Variants in LRRN2 observed in about 807,000 individuals in gnomAD.
LRRN2 encodes the protein leucine-rich repeat neuronal protein 2.
Under a neutral mutation model 35.7 loss-of-function variants are expected in LRRN2, and 10 were observed. That is an observed-to-expected ratio of 0.28 (90% CI 0.17 to 0.47). LRRN2 has a LOEUF of 0.47. LRRN2 is among the 20% of genes least tolerant of loss of function. The pLI, the probability that LRRN2 is intolerant of heterozygous loss-of-function variation, is 0.99. For missense variants in LRRN2, 731 were observed against 940.3 expected, an observed-to-expected ratio of 0.78 and a Z score of 2.91; for synonymous variants, 391 against 409.6, an observed-to-expected ratio of 0.95 and a Z score of 0.55.
Position 204,619,588 on chromosome 1 carries a change from G to A in LRRN2, c.405C>T (p.His135=), listed in dbSNP as rs1666692727. 1.2e-6 allele frequency: 2 copies of A among 1,614,096 alleles called. No individual in the cohort carries two copies. Among genetic ancestry groups the A allele is most frequent in the African/African-American group, 1.3e-5 (1 of 74,958 alleles). Residue 135 remains histidine, a synonymous_variant, in exon 2 of 2, where the codon CAC becomes CAT. Coordinates refer to ENST00000367177, the MANE Select transcript of LRRN2 (RefSeq NM_201630.2). ...EENQLTRLED[H]SFAGLASLQE... ...GTAGGCTGGCCAGCCCTGCAAAGCT[G>A]TGGTCCTCCAGCCGGGTCAGCTGGT...
intron 1 of LRRN2, among the ~76,000 whole-genome samples, chr1:204,668,451 C>T (rs1488744483): frequency 3.3e-5 from 5 of 152,142 alleles, no homozygotes; most frequent in African/African-American, 4.8e-5. Context: ...AAAGATTAGC[C>T]GGGTGTGGTG....
chr1:204,622,024 A>G (rs1018124618), intron 1 of LRRN2: 12 of 167,294 alleles, frequency 7.2e-5, no homozygotes, highest in African/African-American at 2.9e-4. Flanking sequence ...AGGTTAAAGA[A>G]CTTGGCTCAA....
chr1:204,657,339 T>TACACACAC (rs1285210348), intron 1 of LRRN2, among the ~76,000 whole-genome samples: 11,834 of 124,070 alleles, frequency 0.095, 754 homozygotes, highest in African/African-American at 0.22. Flanking sequence ...TATATGTATA[T>TACACACAC]ATACACACAC....
intron 1 of LRRN2, among the ~76,000 whole-genome samples, chr1:204,681,201 C>A (rs1453755146): frequency 1.3e-5 from 2 of 152,160 alleles, no homozygotes; most frequent in Non-Finnish European, 1.5e-5. Flanking sequence ...ATGTGATCCA[C>A]CCGCCTTGGC....
intron 1 of LRRN2, among the ~76,000 whole-genome samples, chr1:204,655,292 G>A (rs1397610651): frequency 6.6e-6 from 1 of 150,664 alleles, no homozygotes. Context: ...GGTGGGTTTT[G>A]TTTTTGTTTT....
intron 1 of LRRN2, among the ~76,000 whole-genome samples, chr1:204,682,635 C>A (rs998267794): frequency 6.6e-6 from 1 of 152,180 alleles, no homozygotes; most frequent in Non-Finnish European, 1.5e-5. Context: ...TGTAATGTTC[C>A]TCACATAGAC....
chr1:204,670,580 C>G lies in LRRN2; in HGVS notation c.-227+14740G>C, dbSNP rs375747536. Among the ~76,000 whole-genome samples the G allele has an allele frequency of 9.9e-5, 15 of 152,104 alleles. No individual in the cohort carries two copies. In the East Asian group the frequency reaches 2.5e-3, roughly 26 times the overall value. On this transcript the variant is annotated intron_variant, in intron 1 of 1. Transcript: ENST00000367177. ...CTGAGATGGCCCAGGGACAGAGTAT[C>G]CAATCAGAAGAGAATACCTTGAGCC...
chr1:204,633,262 T>C (rs889706857), intron 1 of LRRN2: 1 of 152,304 alleles, frequency 6.6e-6, no homozygotes, highest in Non-Finnish European at 1.5e-5. Flanking sequence ...AGAAATAAAT[T>C]TCTATTCTTT....
chr1:204,664,284 A>G (rs1668530595), intron 1 of LRRN2: 1 of 152,472 alleles, frequency 6.6e-6, no homozygotes, highest in Non-Finnish European at 1.5e-5. Flanking sequence ...TCTCTGCTGC[A>G]ATCCCTTTAT....
intron 1 of LRRN2, among the ~76,000 whole-genome samples, chr1:204,681,405 A>G (rs1285335900): frequency 1.3e-5 from 2 of 152,186 alleles, no homozygotes; most frequent in South Asian, 2.1e-4. Context: ...AGCTCATTAC[A>G]TGTATCACCT....
At chr1:204,626,950 T>A (rs1667426878) in intron 1 of LRRN2, 1 of 133,582 alleles carries the variant, frequency 7.5e-6, no homozygotes, top group African/African-American at 3.1e-5. Context: ...TTCTTTTTTC[T>A]TTTTCTTTTT....
At chr1:204,658,179 TATTG>T (rs1257591001) in intron 1 of LRRN2, among the ~76,000 whole-genome samples, 1 of 152,008 alleles carries the variant, frequency 6.6e-6, no homozygotes, top group Non-Finnish European at 1.5e-5. Flanking sequence ...GGTTTCACTA[TATTG>T]GCCAGGCTGT....
At chr1:204,625,149 G>A (rs1423678902) in intron 1 of LRRN2, among the ~76,000 whole-genome samples, 2 of 152,218 alleles carry the variant, frequency 1.3e-5, no homozygotes, top group East Asian at 3.8e-4. Flanking sequence ...GAGGAGTGGT[G>A]GGGCGTGAGC....
intron 1 of LRRN2, among the ~76,000 whole-genome samples, chr1:204,680,175 G>A (rs1346265832): frequency 6.6e-6 from 1 of 152,240 alleles, no homozygotes; most frequent in African/African-American, 2.4e-5. Flanking sequence ...TAGGGATAAT[G>A]AGAGTTAACT....
chr1:204,659,680 G>T (rs957467570), intron 1 of LRRN2, among the ~76,000 whole-genome samples: 1 of 151,910 alleles, frequency 6.6e-6, no homozygotes, highest in African/African-American at 2.4e-5. Context: ...GCTTTGAAAT[G>T]CATTGTAGGA....
intron 1 of LRRN2, among the ~76,000 whole-genome samples, chr1:204,638,100 C>G (rs1667880651): frequency 6.7e-6 from 1 of 149,160 alleles, no homozygotes; most frequent in Non-Finnish European, 1.5e-5. Flanking sequence ...CCTGCTCTCA[C>G]CCACCCACCC....
At chr1:204,656,017 C>T (rs1245505383) in intron 1 of LRRN2, among the ~76,000 whole-genome samples, 3 of 152,228 alleles carry the variant, frequency 2.0e-5, no homozygotes, top group Non-Finnish European at 4.4e-5. Flanking sequence ...TCACGCCATT[C>T]TCCTGCCTCA....
intron 1 of LRRN2, among the ~76,000 whole-genome samples, chr1:204,622,749 AC>A (rs2102574208): frequency 6.6e-6 from 1 of 151,920 alleles, no homozygotes; most frequent in East Asian, 1.9e-4. Context: ...CATACCAGAG[AC>A]CCCTGACTGC....
chr1:204,674,548 A>T (rs993624503), intron 1 of LRRN2, among the ~76,000 whole-genome samples: 1 of 152,162 alleles, frequency 6.6e-6, no homozygotes, highest in African/African-American at 2.4e-5. Flanking sequence ...TTAGGCAAGG[A>T]TCTGCCTCTG....
Sources: allele counts gnomAD v4.1 joint callset (sites outside exome capture counted in the v4.1 genomes callset), GRCh38; gene constraint gnomAD v4.1.1; transcripts MANE v1.5; gene names NCBI Gene and HGNC (gene_info 2026-07-23, HGNC 2026-07-21).